AZIN2: variants seen among roughly 807,000 people sequenced by gnomAD.
The protein encoded by AZIN2 is antizyme inhibitor 2, also known as ODC antizyme inhibitor-2.
AZIN2 carries 28 observed loss-of-function variants against 47.8 expected under a neutral mutation model. The observed-to-expected ratio is 0.59, with a 90% CI of 0.43 to 0.80. AZIN2 has a LOEUF of 0.80. AZIN2 is among the 30% of genes least tolerant of loss of function. The pLI is 0.00. For missense variants in AZIN2, 535 were observed against 582.5 expected (o/e 0.92, Z 0.84); for synonymous variants, 221 against 239.4 (o/e 0.92, Z 0.71).
At chr1:33,119,950 G>GT in intron 11 of AZIN2, 94 bp from the exon 12 acceptor site, 3 of 1,552,646 alleles carry the variant, frequency 1.9e-6, no homozygotes, top group Non-Finnish European at 2.6e-6. Context: ...TCGGGCTCAC[G>GT]TGAGAGCCCT....
At chr1:33,085,703 G>A (rs1641814782) in intron 5 of AZIN2, among the ~76,000 whole-genome samples, 1 of 152,182 alleles carries the variant, frequency 6.6e-6, no homozygotes, top group Non-Finnish European at 1.5e-5. Flanking sequence ...AGCAGGGACC[G>A]AATGTTAATG....
At chr1:33,112,134 G>A (rs542389837) in intron 10 of AZIN2, among the ~76,000 whole-genome samples, 1 of 152,208 alleles carries the variant, frequency 6.6e-6, no homozygotes, top group African/African-American at 2.4e-5. Flanking sequence ...AACTGTTGGT[G>A]AGGATATGGT....
intron 5 of AZIN2, among the ~76,000 whole-genome samples, chr1:33,091,532 G>A (rs900632706): frequency 2.6e-5 from 3 of 113,550 alleles, no homozygotes; most frequent in African/African-American, 3.6e-5. Flanking sequence ...GAGCCACTGC[G>A]CCCTGTCCTA....
chr1:33,125,228 A>T (rs141505563), downstream of AZIN2, among the ~76,000 whole-genome samples: 2 of 152,282 alleles, frequency 1.3e-5, no homozygotes, highest in East Asian at 3.9e-4. Flanking sequence ...CAGGGGTTCC[A>T]CTCATCCCTT....
intron 3 of AZIN2, 45 bp from the exon 4 acceptor site, chr1:33,082,133 G>A: frequency 3.5e-6 from 3 of 847,930 alleles, no homozygotes; most frequent in Non-Finnish European, 5.8e-6. Flanking sequence ...TGGGGCAGCA[G>A]AGCCGGCCCC....
In AZIN2 at chr1:33,096,574, C is replaced by A. The variant is rs72656216; in HGVS notation, c.754-133C>A. On this transcript the variant is annotated intron_variant, in intron 8 of 11. Coordinates refer to ENST00000294517, the MANE Select transcript of AZIN2 (RefSeq NM_052998.4). ...AGCTGTCCACAGTTATCAGCTGGGGCCTTAGCAGCTGCCAAATCCTTCTTC... is the reference window on the plus strand; with the variant it reads ...AGCTGTCCACAGTTATCAGCTGGGGACTTAGCAGCTGCCAAATCCTTCTTC... The A allele has an allele frequency of 6.0e-3, 6,582 of 1,102,808 alleles. 39 individuals carry two copies. Among genetic ancestry groups the A allele is most frequent in the Non-Finnish European group, 7.5e-3 (5,733 of 760,090 alleles). 68.3% of individuals were successfully genotyped at this position (1,102,808 alleles called of 1,614,324 possible).
intron 10 of AZIN2, among the ~76,000 whole-genome samples, chr1:33,112,425 T>C (rs1644328555): frequency 6.6e-6 from 1 of 152,198 alleles, no homozygotes; most frequent in Non-Finnish European, 1.5e-5. Flanking sequence ...CTATACAGTG[T>C]ATTGTGAACT....
At chr1:33,136,172 T>TTCCTTCCC in the AZIN2 span, among the ~76,000 whole-genome samples, 291 of 109,968 alleles carry the variant, frequency 2.6e-3, 2 homozygotes, top group African/African-American at 9.0e-3. Context: ...CCTTCCTTCC[T>TTCCTTCCC]TCCCTCCCTC....
chr1:33,127,271 G>A (rs1055434674), downstream of AZIN2, among the ~76,000 whole-genome samples: 1 of 152,224 alleles, frequency 6.6e-6, no homozygotes, highest in Non-Finnish European at 1.5e-5. Flanking sequence ...CCAGCTCACG[G>A]CCCCCATCCC....
chr1:33,109,784 T>G (rs1644206156), intron 10 of AZIN2, among the ~76,000 whole-genome samples: 1 of 152,208 alleles, frequency 6.6e-6, no homozygotes, highest in Non-Finnish European at 1.5e-5. Context: ...ATTTACTTGT[T>G]TGCCTCCCCC....
intron 4 of AZIN2, 29 bp downstream of exon 4, chr1:33,082,383 C>T (rs1160914798): frequency 8.9e-6 from 14 of 1,576,036 alleles, no homozygotes; most frequent in African/African-American, 1.3e-5. Flanking sequence ...GGGTGGGTCC[C>T]CGGTCCCCTG....
At chr1:33,161,810 C>T in the AZIN2 span, among the ~76,000 whole-genome samples, 3 of 152,210 alleles carry the variant, frequency 2.0e-5, no homozygotes, top group East Asian at 5.8e-4. The surrounding 1 kb of genome is among the most constrained non-coding windows in gnomAD (Gnocchi z 4.3). Context: ...TTAGCCCACT[C>T]GCCACCCTCT....
chr1:33,093,243 A>G, intron 6 of AZIN2, 39 bp from the exon 7 acceptor site: 1 of 1,609,888 alleles, frequency 6.2e-7, no homozygotes. Context: ...GTGGGGCGAC[A>G]GGGTTTGTCC....
chr1:33,128,170 G>A (rs1644870045), downstream of AZIN2, among the ~76,000 whole-genome samples: 1 of 141,216 alleles, frequency 7.1e-6, no homozygotes, highest in African/African-American at 2.7e-5. Flanking sequence ...TTCAAGACCA[G>A]CCCGGGTAAA....
At chr1:33,147,497 C>T in the AZIN2 span, 364 of 1,613,186 alleles carry the variant, frequency 2.3e-4, no homozygotes, top group African/African-American at 3.6e-3. The surrounding 1 kb of genome is among the most constrained non-coding windows in gnomAD (Gnocchi z 8.1). Flanking sequence ...CTTGCGGCTT[C>T]GTGTGCCAGC....
intron 10 of AZIN2, among the ~76,000 whole-genome samples, chr1:33,103,118 C>T (rs1643830974): frequency 6.6e-6 from 1 of 152,206 alleles, no homozygotes; most frequent in East Asian, 1.9e-4. Context: ...TTTCCACCCC[C>T]ATACTACTAC....
At chr1:33,087,992 G>A (rs1403437492) in intron 5 of AZIN2, among the ~76,000 whole-genome samples, 1 of 152,084 alleles carries the variant, frequency 6.6e-6, no homozygotes, top group African/African-American at 2.4e-5. Flanking sequence ...CACCTCTGCA[G>A]GTCCCGGGTA....
downstream of AZIN2, among the ~76,000 whole-genome samples, chr1:33,126,679 A>G (rs1185856857): frequency 6.6e-6 from 1 of 152,082 alleles, no homozygotes; most frequent in African/African-American, 2.4e-5. Context: ...AGCTCCATAC[A>G]CTAGTGAGCC....
the AZIN2 span, among the ~76,000 whole-genome samples, chr1:33,148,675 T>C: frequency 6.6e-6 from 1 of 152,226 alleles, no homozygotes; most frequent in Non-Finnish European, 1.5e-5. Flanking sequence ...TATGTATCTA[T>C]GTACATATAC....
Sources: gnomAD v4.1 joint callset for allele counts (sites outside exome capture counted in the v4.1 genomes callset) on GRCh38, gnomAD v4.1.1 for gene constraint, Gnocchi (gnomAD v3.1) non-coding constraint, MANE v1.5 for transcripts, NCBI Gene and HGNC (gene_info 2026-07-23, HGNC 2026-07-21) for gene names.